KHDRBS2: variants seen among roughly 807,000 people sequenced by gnomAD.
The protein encoded by KHDRBS2 is KH domain-containing, RNA-binding, signal transduction-associated protein 2.
A neutral mutation model predicts 44.3 loss-of-function variants in KHDRBS2; 26 were observed. The observed-to-expected ratio is 0.59, with a 90% confidence interval of 0.43 to 0.81. KHDRBS2 has a LOEUF of 0.81. Ranked by LOEUF, KHDRBS2 falls within the 40% of genes least tolerant of loss-of-function variation. The probability of loss-of-function intolerance (pLI) is 0.00; values close to 1 mark genes in which losing one functional copy is unlikely to be tolerated. For missense variants in KHDRBS2, 476 were observed against 433.1 expected (o/e 1.10, Z -0.88); for synonymous variants, 194 against 151.1 (o/e 1.28, Z -2.08).
chr6:62,028,007 C>T (rs1299591811), intron 3 of KHDRBS2, among the ~76,000 whole-genome samples: 3 of 152,020 alleles, frequency 2.0e-5, no homozygotes, highest in Non-Finnish European at 4.4e-5. Flanking sequence ...GTAGGTAACA[C>T]AGGGACTTAC....
At chr6:62,061,585 T>G (rs1317274618) in intron 2 of KHDRBS2, among the ~76,000 whole-genome samples, 2 of 150,544 alleles carry the variant, frequency 1.3e-5, no homozygotes, top group East Asian at 4.0e-4. Context: ...AACCCGAGCT[T>G]TCTCTCTGGC....
chr6:61,862,570 A>G (rs1323193895), intron 6 of KHDRBS2, among the ~76,000 whole-genome samples: 1 of 152,158 alleles, frequency 6.6e-6, no homozygotes, highest in Non-Finnish European at 1.5e-5. Flanking sequence ...ATATCTATTG[A>G]GACAGTCCTG....
chr6:62,132,723 A>C (rs1810615262), intron 2 of KHDRBS2, among the ~76,000 whole-genome samples: 1 of 152,160 alleles, frequency 6.6e-6, no homozygotes, highest in Non-Finnish European at 1.5e-5. Context: ...AAAACATGGC[A>C]TTATTATTTT....
intron 2 of KHDRBS2, among the ~76,000 whole-genome samples, chr6:62,142,614 T>C (rs1813079643): frequency 6.6e-6 from 1 of 151,998 alleles, no homozygotes; most frequent in Non-Finnish European, 1.5e-5. Context: ...CATGAACGTT[T>C]GAAAAAATTT....
intron 3 of KHDRBS2, among the ~76,000 whole-genome samples, chr6:62,018,447 AC>A (rs886992638): frequency 6.6e-6 from 1 of 151,904 alleles, no homozygotes; most frequent in Admixed American, 6.6e-5. Flanking sequence ...TCCCAGTTTC[AC>A]GCCATTCTCC....
intron 1 of KHDRBS2, among the ~76,000 whole-genome samples, chr6:62,277,865 T>C (rs1228849376): frequency 6.6e-6 from 1 of 152,186 alleles, no homozygotes; most frequent in East Asian, 1.9e-4. Flanking sequence ...ACTTCTTTCC[T>C]CCAAAAAAGT....
intron 7 of KHDRBS2, among the ~76,000 whole-genome samples, chr6:61,720,703 G>A (rs932868835): frequency 4.8e-4 from 73 of 152,138 alleles, no homozygotes; most frequent in Admixed American, 3.6e-3. Context: ...AGTAGGTTGC[G>A]AAAATTTTCT....
intron 2 of KHDRBS2, among the ~76,000 whole-genome samples, chr6:62,145,084 A>G (rs543970093): frequency 5.7e-4 from 86 of 152,124 alleles, no homozygotes; most frequent in African/African-American, 2.0e-3. Flanking sequence ...TACAGCTTGC[A>G]GAGCCATGAG....
chr6:61,664,036 C>T, the KHDRBS2 span, among the ~76,000 whole-genome samples: 1 of 151,656 alleles, frequency 6.6e-6, no homozygotes, highest in Non-Finnish European at 1.5e-5. Flanking sequence ...TAGAAATAAC[C>T]GGGTCAAACC....
At chr6:61,616,697 C>A in the KHDRBS2 span, among the ~76,000 whole-genome samples, 1 of 151,932 alleles carries the variant, frequency 6.6e-6, no homozygotes, top group African/African-American at 2.4e-5. Context: ...TTGACCCCAA[C>A]AACCCTTTTG....
intron 2 of KHDRBS2, among the ~76,000 whole-genome samples, chr6:62,159,036 C>CA (rs1289408499): frequency 6.6e-6 from 1 of 151,744 alleles, no homozygotes; most frequent in Admixed American, 6.6e-5. Context: ...CATACAGATC[C>CA]AAAAAATATA....
intron 7 of KHDRBS2, among the ~76,000 whole-genome samples, chr6:61,700,580 G>A (rs1407575498): frequency 6.6e-6 from 1 of 151,468 alleles, no homozygotes; most frequent in Admixed American, 6.6e-5. Context: ...CACTAATAGT[G>A]AATACACCCT....
At chr6:61,848,673 G>A (rs1333792143) in intron 6 of KHDRBS2, among the ~76,000 whole-genome samples, 2 of 143,028 alleles carry the variant, frequency 1.4e-5, no homozygotes, top group South Asian at 2.2e-4. Context: ...TGATCTCTCT[G>A]AAGTACTTTC....
At chr6:61,969,549 TC>T (rs1770871822) in intron 4 of KHDRBS2, among the ~76,000 whole-genome samples, 1 of 152,078 alleles carries the variant, frequency 6.6e-6, no homozygotes. Context: ...GTAAAACATT[TC>T]TTTTTTCACT....
chr6:61,830,903 G>A (rs1791691537), intron 6 of KHDRBS2, among the ~76,000 whole-genome samples: 3 of 152,088 alleles, frequency 2.0e-5, no homozygotes, highest in South Asian at 4.1e-4. Flanking sequence ...GTAAAATGAT[G>A]ATGATAGACT....
intron 6 of KHDRBS2, among the ~76,000 whole-genome samples, chr6:61,878,102 G>A (rs374246817): frequency 1.3e-5 from 2 of 151,882 alleles, no homozygotes. Flanking sequence ...GTTTCCCATA[G>A]TTCCCTCTTT....
At chr6:61,625,210 C>T in the KHDRBS2 span, among the ~76,000 whole-genome samples, 1 of 151,474 alleles carries the variant, frequency 6.6e-6, no homozygotes, top group African/African-American at 2.4e-5. Context: ...AATGAGTATC[C>T]AGGTCATGTC....
intron 3 of KHDRBS2, among the ~76,000 whole-genome samples, chr6:61,984,569 C>A (rs1774659410): frequency 1.3e-5 from 2 of 152,180 alleles, no homozygotes; most frequent in South Asian, 4.1e-4. Flanking sequence ...CAGGGAGGCT[C>A]TGGACTTAGT....
At chr6:61,836,606 T>C (rs1792719657) in intron 6 of KHDRBS2, among the ~76,000 whole-genome samples, 1 of 152,060 alleles carries the variant, frequency 6.6e-6, no homozygotes, top group Non-Finnish European at 1.5e-5. Flanking sequence ...ATGAATCTAA[T>C]TTGTATTCAG....
Sources: gnomAD v4.1 joint callset for allele counts (sites outside exome capture counted in the v4.1 genomes callset) on GRCh38, gnomAD v4.1.1 for gene constraint, MANE v1.5 for transcripts, NCBI Gene and HGNC (gene_info 2026-07-23, HGNC 2026-07-21) for gene names.